The following NALF1 variants were observed in gnomAD, a reference collection of about 807,000 sequenced individuals.
The protein encoded by NALF1 is NALCN channel auxiliary factor 1.
Under a neutral mutation model 48.4 loss-of-function variants are expected in NALF1, and 3 were observed. The ratio of observed to expected loss-of-function variants is 0.06; its 90% CI spans 0.03 to 0.16. NALF1 has a LOEUF of 0.16. NALF1 is among the 10% of genes least tolerant of loss of function. The pLI, the probability that NALF1 is intolerant of heterozygous loss-of-function variation, is 1.00. For missense variants in NALF1, 526 were observed against 571.5 expected (o/e 0.92, Z 0.81); for synonymous variants, 262 against 245.7 (o/e 1.07, Z -0.62).
chr13:107,849,318 G>A (rs1880251577), intron 1 of NALF1, among the ~76,000 whole-genome samples: 3 of 152,144 alleles, frequency 2.0e-5, no homozygotes, highest in Admixed American at 2.0e-4. Flanking sequence ...CACATCCTAG[G>A]GAAGTTATCT....
At position 107,803,732 on chromosome 13, in the gene NALF1, TA is replaced by T. The variant is rs146481819; in HGVS notation, c.915+61949del. ...ACTAAGTACAAATAAAATGAGTCCC[TA>T]AACAACAAATTTAATAAACGTTAAT... On this transcript the variant is annotated intron_variant, in intron 1 of 2. Coordinates refer to ENST00000375915, the MANE Select transcript of NALF1 (RefSeq NM_001080396.3). 8.1e-3 allele frequency among the ~76,000 whole-genome samples: 1,238 copies of T among 152,232 alleles called. 10 individuals are homozygous for T. Among genetic ancestry groups the T allele is most frequent in the Non-Finnish European group, 0.013 (869 of 68,012 alleles).
chr13:107,296,227 G>GTAA (rs2138887610), intron 1 of NALF1, among the ~76,000 whole-genome samples: 1 of 152,256 alleles, frequency 6.6e-6, no homozygotes, highest in African/African-American at 2.4e-5. Context: ...AAGAGTATTT[G>GTAA]TAATACATCC....
chr13:107,759,769 T>C (rs1028690561), intron 1 of NALF1, among the ~76,000 whole-genome samples: 1 of 99,632 alleles, frequency 1.0e-5, no homozygotes, highest in Non-Finnish European at 2.3e-5. Context: ...TTTACTTTGC[T>C]TTTTTTTTTT....
chr13:107,236,137 C>T (rs912547709), intron 1 of NALF1, among the ~76,000 whole-genome samples: 3 of 152,104 alleles, frequency 2.0e-5, no homozygotes, highest in Admixed American at 6.6e-5. Context: ...GAAAGGCTGG[C>T]GTAGGCAGAC....
intron 1 of NALF1, among the ~76,000 whole-genome samples, chr13:107,534,610 C>T (rs1290495303): frequency 6.6e-6 from 1 of 152,080 alleles, no homozygotes; most frequent in Non-Finnish European, 1.5e-5. Flanking sequence ...TTATAATATA[C>T]AAATAAGCCA....
intron 1 of NALF1, among the ~76,000 whole-genome samples, chr13:107,781,826 T>G (rs544413570): frequency 6.6e-6 from 1 of 152,206 alleles, no homozygotes; most frequent in Non-Finnish European, 1.5e-5. Flanking sequence ...AATCATTATG[T>G]GGACAACTAA....
At chr13:107,285,801 G>A (rs1881481839) in intron 1 of NALF1, among the ~76,000 whole-genome samples, 1 of 152,070 alleles carries the variant, frequency 6.6e-6, no homozygotes, top group Non-Finnish European at 1.5e-5. Flanking sequence ...CCAGGGGGCT[G>A]AGAGAGAGTC....
At chr13:107,183,107 G>T (rs1879101043) in intron 2 of NALF1, among the ~76,000 whole-genome samples, 1 of 152,124 alleles carries the variant, frequency 6.6e-6, no homozygotes, top group Non-Finnish European at 1.5e-5. Context: ...CTCCCACTTG[G>T]CAGGCAAGGC....
chr13:107,808,050 G>A (rs1207046976), intron 1 of NALF1, among the ~76,000 whole-genome samples: 6 of 152,088 alleles, frequency 3.9e-5, no homozygotes, highest in Admixed American at 1.3e-4. Flanking sequence ...AGAAAAATGA[G>A]GAGGGTTACA....
chr13:107,842,767 C>G (rs1880076301), intron 1 of NALF1, among the ~76,000 whole-genome samples: 1 of 151,990 alleles, frequency 6.6e-6, no homozygotes, highest in South Asian at 2.1e-4. Flanking sequence ...CATCAGCTCT[C>G]AACTTCCTAG....
rs575343776 is a variant in NALF1 at position 107,424,868 on chromosome 13, T to C, written c.916-214113A>G. On this transcript the variant is annotated intron_variant, in intron 1 of 2. Coordinates refer to ENST00000375915, the MANE Select transcript of NALF1 (RefSeq NM_001080396.3). ...ACAGTGCATTTACATGCAACTTTGGTATTCTAGGTAAATAAATAAAACTTT... is the reference window on the plus strand; with the variant it reads ...ACAGTGCATTTACATGCAACTTTGGCATTCTAGGTAAATAAATAAAACTTT... Among the ~76,000 whole-genome samples the C allele has an allele frequency of 3.9e-5, 6 of 152,350 alleles. No individual in the cohort carries two copies. The South Asian group carries it at 1.2e-3, about 32-fold the overall frequency.
intron 1 of NALF1, among the ~76,000 whole-genome samples, chr13:107,482,465 C>A (rs1318758925): frequency 3.9e-5 from 6 of 152,118 alleles, no homozygotes; most frequent in African/African-American, 1.4e-4. Context: ...GCTTCCATAT[C>A]GACAGCAAAG....
At chr13:107,456,907 T>G (rs898768965) in intron 1 of NALF1, among the ~76,000 whole-genome samples, 2 of 152,184 alleles carry the variant, frequency 1.3e-5, no homozygotes, top group Non-Finnish European at 2.9e-5. Context: ...TCTATCACCT[T>G]CAAGAAGTTG....
intron 1 of NALF1, among the ~76,000 whole-genome samples, chr13:107,386,543 T>C (rs1883534168): frequency 6.6e-6 from 1 of 152,154 alleles, no homozygotes; most frequent in Admixed American, 6.5e-5. Context: ...CCCAGTAAAT[T>C]CTTGTTTTTG....
intron 1 of NALF1, among the ~76,000 whole-genome samples, chr13:107,660,752 A>C (rs1023997904): frequency 6.6e-6 from 1 of 151,958 alleles, no homozygotes; most frequent in Non-Finnish European, 1.5e-5. Flanking sequence ...ACCAAGAGTA[A>C]GCCCTAATGT....
intron 1 of NALF1, among the ~76,000 whole-genome samples, chr13:107,801,961 G>C (rs752143340): frequency 6.6e-6 from 1 of 152,046 alleles, no homozygotes; most frequent in African/African-American, 2.4e-5. Flanking sequence ...GCAGTTTAAG[G>C]AACCATGTTT....
At chr13:107,619,647 CTT>C (rs1246403218) in intron 1 of NALF1, among the ~76,000 whole-genome samples, 4 of 152,160 alleles carry the variant, frequency 2.6e-5, no homozygotes, top group Non-Finnish European at 5.9e-5. Flanking sequence ...ATCTAACAAA[CTT>C]AATTTTTAGA....
intron 1 of NALF1, among the ~76,000 whole-genome samples, chr13:107,266,842 G>A (rs1881048961): frequency 6.6e-6 from 1 of 152,226 alleles, no homozygotes; most frequent in African/African-American, 2.4e-5. Context: ...GGTTCACCAT[G>A]AGTATTTCCC....
chr13:107,575,281 A>C (rs949580310), intron 1 of NALF1, among the ~76,000 whole-genome samples: 1 of 152,200 alleles, frequency 6.6e-6, no homozygotes, highest in African/African-American at 2.4e-5. Context: ...AAGGGACTTC[A>C]AGTCCATTTG....
Sources: gnomAD v4.1 joint callset for allele counts (sites outside exome capture counted in the v4.1 genomes callset) on GRCh38, gnomAD v4.1.1 for gene constraint, MANE v1.5 for transcripts, NCBI Gene and HGNC (gene_info 2026-07-23, HGNC 2026-07-21) for gene names.